Variants in RFTN1 observed in about 807,000 individuals in gnomAD.
The protein encoded by RFTN1 is raftlin.
A neutral mutation model predicts 46.5 loss-of-function variants in RFTN1; 26 were observed. The ratio of observed to expected loss-of-function variants is 0.56; its 90% confidence interval spans 0.41 to 0.78. The LOEUF is 0.78. Among genes scored for constraint, RFTN1 ranks in the 30% least tolerant of loss-of-function variants. RFTN1 has a pLI of 0.00. For synonymous variants in RFTN1, 261 were observed against 284.2 expected, an observed-to-expected ratio of 0.92 and a Z score of 0.82; for missense variants, 693 against 718.7, an observed-to-expected ratio of 0.96 and a Z score of 0.41.
chr3:16,434,181 C>G, intron 2 of RFTN1, 144 bp from the exon 3 acceptor site: 1 of 698,356 alleles, frequency 1.4e-6, no homozygotes, highest in Non-Finnish European at 2.3e-6. Flanking sequence ...TGTCTTCAAA[C>G]AGACTTTATA....
intron 4 of RFTN1, among the ~76,000 whole-genome samples, chr3:16,399,363 A>AC (rs869091596): frequency 6.6e-6 from 1 of 152,186 alleles, no homozygotes; most frequent in African/African-American, 2.4e-5. Flanking sequence ...TTTTAATTGT[A>AC]CCCCAAAAAC....
chr3:16,369,406 T>C (rs2073393880), intron 6 of RFTN1, among the ~76,000 whole-genome samples: 1 of 152,266 alleles, frequency 6.6e-6, no homozygotes, highest in African/African-American at 2.4e-5. Context: ...ACTCCCCAAG[T>C]TGCCTCCCAG....
chr3:16,346,567 C>T lies in RFTN1; in HGVS notation c.1146+11365G>A, dbSNP rs565846687. 6 of 152,298 alleles carry T rather than the reference C, an allele frequency of 3.9e-5. No individual in the cohort carries two copies. The East Asian group carries it at 7.7e-4, about 20-fold the overall frequency. 9.4% of individuals were successfully genotyped at this position (152,298 alleles called of 1,614,324 possible). A position where few individuals can be genotyped will look rare whatever the true frequency, so the allele number is the denominator to read the frequency against. On this transcript the variant is annotated intron_variant, in intron 7 of 9. Transcript: ENST00000334133. The surrounding 1 kb of genome is among the most constrained non-coding windows in gnomAD (Gnocchi z 4.4). ...TTGGCTGCCAAAGCCAACAGCCCCT[C>T]GATGGCCCAGGGCTTCTTCCTCACT...
intron 6 of RFTN1, among the ~76,000 whole-genome samples, chr3:16,363,632 G>T (rs907533966): frequency 9.8e-5 from 15 of 152,336 alleles, no homozygotes; most frequent in African/African-American, 3.6e-4. Flanking sequence ...GCTGTGCTTC[G>T]CCAAAGTCTA....
At chr3:16,456,407 A>C (rs1242262386) in intron 2 of RFTN1, among the ~76,000 whole-genome samples, 1 of 152,200 alleles carries the variant, frequency 6.6e-6, no homozygotes, top group Non-Finnish European at 1.5e-5. Flanking sequence ...AAAAGATGAG[A>C]GGAAACTCAA....
At chr3:16,437,206 T>C (rs1370838910) in intron 2 of RFTN1, among the ~76,000 whole-genome samples, 7 of 152,190 alleles carry the variant, frequency 4.6e-5, no homozygotes, top group Admixed American at 4.6e-4. Flanking sequence ...ACTTCTGTAA[T>C]ATTCACTGCA....
At chr3:16,318,457 G>A (rs772676825) in intron 9 of RFTN1, among the ~76,000 whole-genome samples, 1 of 152,208 alleles carries the variant, frequency 6.6e-6, no homozygotes, top group South Asian at 2.1e-4. Context: ...GCTTTAGTAT[G>A]TTGTAAATCA....
intron 2 of RFTN1, among the ~76,000 whole-genome samples, chr3:16,435,377 T>C (rs1003505044): frequency 1.3e-5 from 2 of 152,172 alleles, no homozygotes; most frequent in African/African-American, 4.8e-5. Context: ...GAGACCAGCC[T>C]GGCCAACATG....
At chr3:16,409,839 T>C (rs1230917430) in intron 3 of RFTN1, among the ~76,000 whole-genome samples, 1 of 151,980 alleles carries the variant, frequency 6.6e-6, no homozygotes, top group Non-Finnish European at 1.5e-5. Flanking sequence ...CGCCCGCCAC[T>C]GCGCCCAGCT....
chr3:16,490,773 A>G (rs556356742), intron 2 of RFTN1, among the ~76,000 whole-genome samples: 1 of 152,388 alleles, frequency 6.6e-6, no homozygotes, highest in African/African-American at 2.4e-5. Context: ...GGACTGCAAA[A>G]TAAATTATGG....
rs1229935168 is a variant in RFTN1 at position 16,376,605 on chromosome 3, T to G, written c.826+1113A>C. On this transcript the variant is annotated intron_variant, in intron 5 of 9. Coordinates refer to ENST00000334133, the MANE Select transcript of RFTN1 (RefSeq NM_015150.2). This position sits in a 1 kb window ranked among gnomAD's most constrained non-coding sequence, Gnocchi z 4.7. ...CTACTTCATGAGGGCAGCAGGCATG[T>G]GCCTCAAACAGCGAAAAATCACACA... is the stretch of plus-strand genomic sequence containing the variant. Among the ~76,000 whole-genome samples, 1 of 152,228 alleles carries G rather than the reference T, an allele frequency of 6.6e-6. No homozygotes were observed. Among genetic ancestry groups the G allele is most frequent in the Non-Finnish European group, 1.5e-5 (1 of 68,034 alleles).
At position 16,371,626 on chromosome 3, in the gene RFTN1, T is replaced by C. The variant is rs117640736; in HGVS notation, c.827-1347A>G. On this transcript the variant is annotated intron_variant, in intron 5 of 9. Coordinates refer to ENST00000334133, the MANE Select transcript of RFTN1 (RefSeq NM_015150.2). ...GGACCAACGCTGGGCCATATTACTT[T>C]GTCATCAGCAATACCTGAATGAACA... Among the ~76,000 whole-genome samples, 380 of 152,370 alleles carry C rather than the reference T, an allele frequency of 2.5e-3. 8 individuals are homozygous for C. In the East Asian group the frequency reaches 0.034, roughly 14 times the overall value.
intron 7 of RFTN1, chr3:16,339,439 G>A (rs1327221616): frequency 6.6e-6 from 1 of 152,142 alleles, no homozygotes; most frequent in East Asian, 1.9e-4. Flanking sequence ...TCAGACATCT[G>A]GCTGTTCATT....
Position 16,450,005 on chromosome 3 carries a change from G to A in RFTN1, c.146-15968C>T, listed in dbSNP as rs1307931887. ...CAGCAGGGGAAAGAGGTGGAATTGCGGCAGGAATACATTAAGGACATAGCA... is the reference window on the plus strand; with the variant it reads ...CAGCAGGGGAAAGAGGTGGAATTGCAGCAGGAATACATTAAGGACATAGCA... On this transcript the variant is annotated intron_variant, in intron 2 of 9. Transcript: ENST00000334133. The surrounding 1 kb of genome is among the most constrained non-coding windows in gnomAD (Gnocchi z 4.6). Among the ~76,000 whole-genome samples the A allele has an allele frequency of 3.9e-5, 6 of 152,208 alleles. No individual in the cohort carries two copies. The highest frequency in any genetic ancestry group is 1.9e-4 in the East Asian group (1 of 5,182).
chr3:16,476,460 A>G (rs1227466417), intron 2 of RFTN1, among the ~76,000 whole-genome samples: 2 of 152,220 alleles, frequency 1.3e-5, no homozygotes, highest in African/African-American at 4.8e-5. Flanking sequence ...ATTTCAGATG[A>G]TCGTAAGTTC....
In RFTN1 at chr3:16,317,765, G is replaced by T. The variant is rs1198416689; in HGVS notation, c.1333-533C>A. Reference sequence around the variant, plus strand: ...ACAGGACTGGCGGGCCCGCTCCCCAGCTAGGCCGATAGCCCTTTGCTGACC... The same window carrying T: ...ACAGGACTGGCGGGCCCGCTCCCCATCTAGGCCGATAGCCCTTTGCTGACC... On this transcript the variant is annotated intron_variant, in intron 9 of 9. Coordinates refer to ENST00000334133, the MANE Select transcript of RFTN1 (RefSeq NM_015150.2). The surrounding 1 kb of genome is among the most constrained non-coding windows in gnomAD (Gnocchi z 4.3). Among the ~76,000 whole-genome samples the T allele has an allele frequency of 1.4e-5, 2 of 139,254 alleles. No homozygotes were observed. Among genetic ancestry groups the T allele is most frequent in the Non-Finnish European group, 3.0e-5 (2 of 66,460 alleles). 91.4% of individuals were successfully genotyped at this position (139,254 alleles called of 152,430 possible). A position where few individuals can be genotyped will look rare whatever the true frequency, so the allele number is the denominator to read the frequency against.
chr3:16,326,233 T>A (rs902806157), intron 8 of RFTN1, among the ~76,000 whole-genome samples: 1 of 152,226 alleles, frequency 6.6e-6, no homozygotes, highest in African/African-American at 2.4e-5. Flanking sequence ...CCTGAAATTA[T>A]AAGGAATGCC....
intron 1 of RFTN1, among the ~76,000 whole-genome samples, chr3:16,496,644 G>C (rs1219718238): frequency 6.6e-6 from 1 of 152,166 alleles, no homozygotes; most frequent in Non-Finnish European, 1.5e-5. Flanking sequence ...AGTGTGAATT[G>C]GTACAACCAC....
chr3:16,326,558 C>A (rs1206404796), intron 8 of RFTN1, among the ~76,000 whole-genome samples: 3 of 152,128 alleles, frequency 2.0e-5, no homozygotes, highest in Non-Finnish European at 4.4e-5. Context: ...TCACAGGGCC[C>A]CCCATGTGGG....
Sources: allele counts gnomAD v4.1 joint callset (sites outside exome capture counted in the v4.1 genomes callset), GRCh38; gene constraint gnomAD v4.1.1; non-coding constraint Gnocchi (gnomAD v3.1); transcripts MANE v1.5; gene names NCBI Gene and HGNC (gene_info 2026-07-23, HGNC 2026-07-21).